Variants in KLHL4 observed in about 807,000 individuals in gnomAD.
The protein encoded by KLHL4 is kelch-like protein 4.
Under a neutral mutation model 45.8 loss-of-function variants are expected in KLHL4, and 17 were observed. The observed-to-expected ratio is 0.37, with a 90% CI of 0.25 to 0.56. KLHL4 has a LOEUF of 0.56. Ranked by LOEUF, KLHL4 falls within the 20% of genes least tolerant of loss-of-function variation. The pLI, the probability that KLHL4 is intolerant of heterozygous loss-of-function variation, is 0.79. For synonymous variants in KLHL4, 224 were observed against 189.9 expected (o/e 1.18, Z -1.47); for missense variants, 544 against 544.9 (o/e 1.00, Z 0.02).
chrX:87,563,445 G>A (rs6652460), intron 1 of KLHL4, among the ~76,000 whole-genome samples: 4 of 108,477 alleles, frequency 3.7e-5, no homozygotes, highest in African/African-American at 1.3e-4. Context: ...AACAAAGAAA[G>A]TGAAATAATT....
intron 1 of KLHL4, among the ~76,000 whole-genome samples, chrX:87,546,420 G>A (rs749467358): frequency 4.5e-5 from 5 of 111,982 alleles, no homozygotes; most frequent in Non-Finnish European, 9.4e-5. Context: ...CAAAAATAGA[G>A]ATTTAGTAAC....
At chrX:87,572,768 C>T (rs1056618884) in intron 1 of KLHL4, among the ~76,000 whole-genome samples, 1 of 99,098 alleles carries the variant, frequency 1.0e-5, no homozygotes, top group Non-Finnish European at 2.0e-5. Flanking sequence ...GTATTGTGCA[C>T]ATGTACCCTA....
At chrX:87,577,399 A>G (rs1018120702) in intron 1 of KLHL4, among the ~76,000 whole-genome samples, 1 of 111,520 alleles carries the variant, frequency 9.0e-6, no homozygotes, top group East Asian at 2.8e-4. Flanking sequence ...ATTTCCATTT[A>G]CATTATGTGG....
chrX:87,646,209 A>G (rs1382664847), intron 9 of KLHL4, among the ~76,000 whole-genome samples: 2 of 111,499 alleles, frequency 1.8e-5, no homozygotes, highest in Non-Finnish European at 3.8e-5. Flanking sequence ...GACCTCTACA[A>G]TGAAAACTAC....
At position 87,528,706 on chromosome X, in the gene KLHL4, CAAAAAAAAAAAAAAAAA is replaced by C. The variant is rs1160857135; in HGVS notation, c.422+10406_422+10422del. Among the ~76,000 whole-genome samples, 125 of 31,504 alleles carry C rather than the reference CAAAAAAAAAAAAAAAAA, an allele frequency of 4.0e-3. 1 individual carries two copies. Among genetic ancestry groups the C allele is most frequent in the Middle Eastern group, 0.033 (1 of 30 alleles). 27.4% of individuals were successfully genotyped at this position (31,504 alleles called of 115,157 possible). On this transcript the variant is annotated intron_variant, in intron 1 of 10. Coordinates refer to ENST00000373119, the MANE Select transcript of KLHL4 (RefSeq NM_019117.5). ...ATTCCAGCCTGGTAACAAAGCGAGA[CAAAAAAAAAAAAAAAAA>C]AAAAAAAAAAAAAAGAGTTCCAGGG...
At chrX:87,648,190 A>G (rs749812222) in intron 9 of KLHL4, among the ~76,000 whole-genome samples, 132 of 111,379 alleles carry the variant, frequency 1.2e-3, no homozygotes, top group Non-Finnish European at 2.2e-3. Context: ...CTGTATACAT[A>G]CATGAAATAG....
chrX:87,582,923 T>C (rs956048814), intron 1 of KLHL4, among the ~76,000 whole-genome samples: 2 of 111,686 alleles, frequency 1.8e-5, no homozygotes, highest in African/African-American at 6.5e-5. Flanking sequence ...TTTTATTCCC[T>C]TATTTGTCCC....
At chrX:87,597,947 A>G (rs896995177) in intron 1 of KLHL4, among the ~76,000 whole-genome samples, 1 of 108,415 alleles carries the variant, frequency 9.2e-6, no homozygotes, top group African/African-American at 3.3e-5. Context: ...CTAACTTTAT[A>G]ATGCTTTTCC....
chrX:87,580,995 T>G lies in KLHL4; in HGVS notation c.423-32882T>G, dbSNP rs756867151. Reference sequence around the variant, plus strand: ...TAAATGTAGGGGAGGGCTGCCAGGTTGATTGTTTGGACAACTCATCCATTC... The same window carrying G: ...TAAATGTAGGGGAGGGCTGCCAGGTGGATTGTTTGGACAACTCATCCATTC... On this transcript the variant is annotated intron_variant, in intron 1 of 10. Coordinates refer to ENST00000373119, the MANE Select transcript of KLHL4 (RefSeq NM_019117.5). Among the ~76,000 whole-genome samples, 9 of 112,120 alleles carry G rather than the reference T, an allele frequency of 8.0e-5. No individual in the cohort carries two copies. In the South Asian group the frequency reaches 3.4e-3, roughly 42 times the overall value.
chrX:87,656,930 T>C (rs1267320924), intron 9 of KLHL4, among the ~76,000 whole-genome samples: 3 of 111,649 alleles, frequency 2.7e-5, no homozygotes, highest in Non-Finnish European at 5.6e-5. Flanking sequence ...AGGCTTTGAG[T>C]CTCAGTGTTT....
intron 1 of KLHL4, among the ~76,000 whole-genome samples, chrX:87,530,505 G>A (rs1409975491): frequency 1.4e-4 from 13 of 94,145 alleles, no homozygotes; most frequent in African/African-American, 5.2e-4. Context: ...CCACCTATGA[G>A]TGAGAATATG....
rs181588090 is a variant in KLHL4, at chrX:87,661,800, G to T, written c.1926-2964G>T. Among the ~76,000 whole-genome samples the T allele has an allele frequency of 2.2e-4, 25 of 111,621 alleles. No homozygotes were observed. In the East Asian group the frequency reaches 7.0e-3, roughly 31 times the overall value. On this transcript the variant is annotated intron_variant, in intron 9 of 10. Transcript: ENST00000373119. ...TTTACACATACTAAACAAATGCATA[G>T]TATAGTAGTTAAACACATCAGATTA... is the stretch of plus-strand genomic sequence containing the variant.
intron 9 of KLHL4, among the ~76,000 whole-genome samples, chrX:87,639,124 G>T (rs1220651159): frequency 1.8e-5 from 2 of 111,426 alleles, no homozygotes; most frequent in Admixed American, 9.5e-5. Flanking sequence ...AATGATAAAA[G>T]AACTAGTCCA....
chrX:87,653,119 C>T (rs889941797), intron 9 of KLHL4, among the ~76,000 whole-genome samples: 10 of 111,529 alleles, frequency 9.0e-5, no homozygotes, highest in Non-Finnish European at 1.5e-4. Flanking sequence ...TGGGTCTTTC[C>T]CACAACACGT....
chrX:87,605,252 T>C (rs1303022358), intron 1 of KLHL4, among the ~76,000 whole-genome samples: 1 of 111,600 alleles, frequency 9.0e-6, no homozygotes, highest in East Asian at 2.8e-4. Context: ...TCAAGATATT[T>C]TGTGGTTCCA....
intron 1 of KLHL4, among the ~76,000 whole-genome samples, chrX:87,562,404 G>A (rs7066249): frequency 0.25 from 27,064 of 108,942 alleles, 2,903 homozygotes; most frequent in East Asian, 0.5. Context: ...AGAGATCTAG[G>A]CCTGGCAGGA....
chrX:87,569,829 A>AG (rs1932296914), intron 1 of KLHL4, among the ~76,000 whole-genome samples: 1 of 111,584 alleles, frequency 9.0e-6, no homozygotes, highest in Non-Finnish European at 1.9e-5. Flanking sequence ...AGAGAGATGA[A>AG]GGAGGAGTAA....
chrX:87,554,392 C>A (rs7052222), intron 1 of KLHL4, among the ~76,000 whole-genome samples: 4,290 of 76,464 alleles, frequency 0.056, 218 homozygotes, highest in East Asian at 0.18. Flanking sequence ...CTTTTATTTC[C>A]TTGAGCAGTG....
chrX:87,602,869 G>C (rs191122807), intron 1 of KLHL4, among the ~76,000 whole-genome samples: 4 of 111,758 alleles, frequency 3.6e-5, no homozygotes, highest in Admixed American at 1.9e-4. Context: ...AGATTTCTGG[G>C]CAGATATCTT....
Sources: gnomAD v4.1 joint callset for allele counts (sites outside exome capture counted in the v4.1 genomes callset) on GRCh38, gnomAD v4.1.1 for gene constraint, MANE v1.5 for transcripts, NCBI Gene and HGNC (gene_info 2026-07-23, HGNC 2026-07-21) for gene names.